The following GNAQ variants were observed in gnomAD, a reference collection of about 807,000 sequenced individuals.
The protein encoded by GNAQ is guanine nucleotide-binding protein G(q) subunit alpha.
Under a neutral mutation model 43.9 loss-of-function variants are expected in GNAQ, and 8 were observed. That is an observed-to-expected ratio of 0.18 (90% CI 0.11 to 0.33). GNAQ has a LOEUF of 0.33. Among genes scored for constraint, GNAQ ranks in the 10% least tolerant of loss-of-function variants. The probability of loss-of-function intolerance (pLI) is 1.00; values close to 1 mark genes in which losing one functional copy is unlikely to be tolerated. For missense variants in GNAQ, 158 were observed against 450.8 expected, an observed-to-expected ratio of 0.35 and a Z score of 5.88; for synonymous variants, 155 against 170.7, an observed-to-expected ratio of 0.91 and a Z score of 0.71.
intron 1 of GNAQ, among the ~76,000 whole-genome samples, chr9:77,989,685 G>C (rs966523068): frequency 3.3e-5 from 5 of 152,206 alleles, no homozygotes; most frequent in Non-Finnish European, 5.9e-5. Flanking sequence ...CTGACATCTG[G>C]AGCCTTCCCT....
At chr9:77,917,991 A>G (rs1009129452) in intron 2 of GNAQ, among the ~76,000 whole-genome samples, 1 of 152,194 alleles carries the variant, frequency 6.6e-6, no homozygotes, top group Non-Finnish European at 1.5e-5. Flanking sequence ...TTTGGTCCAG[A>G]GACTGTGAAC....
chr9:77,954,472 C>T (rs1336310737), intron 1 of GNAQ, among the ~76,000 whole-genome samples: 1 of 152,180 alleles, frequency 6.6e-6, no homozygotes, highest in Admixed American at 6.5e-5. Context: ...CATCTTGATG[C>T]TTGATAAAAC....
At chr9:77,868,689 G>T (rs1827987317) in intron 2 of GNAQ, among the ~76,000 whole-genome samples, 1 of 152,200 alleles carries the variant, frequency 6.6e-6, no homozygotes. Context: ...CAGCTACTCA[G>T]GAGGCTGAGG....
intron 2 of GNAQ, among the ~76,000 whole-genome samples, chr9:77,834,092 A>G (rs1827344556): frequency 6.6e-6 from 1 of 152,232 alleles, no homozygotes; most frequent in Admixed American, 6.5e-5. Flanking sequence ...TCTCAGTATT[A>G]AAATAGGAAA....
intron 2 of GNAQ, among the ~76,000 whole-genome samples, chr9:77,864,792 A>G (rs545893602): frequency 3.5e-4 from 53 of 152,332 alleles, no homozygotes; most frequent in Admixed American, 1.0e-3. Flanking sequence ...GGAAATGAAC[A>G]CACTCTTTTC....
chr9:78,010,086 A>T (rs756282913), intron 1 of GNAQ, among the ~76,000 whole-genome samples: 33 of 152,244 alleles, frequency 2.2e-4, no homozygotes, highest in Admixed American at 7.2e-4. Flanking sequence ...AGACAGAATT[A>T]TCTACTCTGA....
chr9:77,995,628 G>A (rs1365748453), intron 1 of GNAQ, among the ~76,000 whole-genome samples: 3 of 151,896 alleles, frequency 2.0e-5, no homozygotes, highest in Non-Finnish European at 4.4e-5. Context: ...GTAGCTGGGA[G>A]CTAACTACTC....
intron 2 of GNAQ, among the ~76,000 whole-genome samples, chr9:77,918,591 C>T (rs1160117080): frequency 6.6e-6 from 1 of 152,146 alleles, no homozygotes; most frequent in Non-Finnish European, 1.5e-5. Context: ...TGAAATCTTT[C>T]ATGAAACATC....
At chr9:77,835,486 A>C (rs1827368727) in intron 2 of GNAQ, among the ~76,000 whole-genome samples, 1 of 152,218 alleles carries the variant, frequency 6.6e-6, no homozygotes, top group Admixed American at 6.5e-5. Context: ...TATAACTTTC[A>C]TAGGGCTATC....
chr9:77,934,272 C>T (rs1829200167), intron 1 of GNAQ, among the ~76,000 whole-genome samples: 1 of 152,018 alleles, frequency 6.6e-6, no homozygotes. Context: ...ATTTTATGAT[C>T]ATTTTCCCTC....
intron 6 of GNAQ, among the ~76,000 whole-genome samples, chr9:77,722,818 A>G (rs1308396512): frequency 6.6e-6 from 1 of 152,048 alleles, no homozygotes; most frequent in Non-Finnish European, 1.5e-5. Flanking sequence ...AAGCCTGGCT[A>G]ATTTTTAAAC....
In GNAQ at chr9:77,784,903, C is replaced by T. The variant is rs181368300; in HGVS notation, c.735+9560G>A. The stretch of plus-strand genomic sequence containing the variant: ...CACACCACAATGATATGCTACTATA[C>T]ACCCACCTGAATGTCTGAAATTTAA... On this transcript the variant is annotated intron_variant, in intron 5 of 6. Coordinates refer to ENST00000286548, the MANE Select transcript of GNAQ (RefSeq NM_002072.5). 5.5e-3 allele frequency among the ~76,000 whole-genome samples: 838 copies of T among 152,316 alleles called. 6 individuals are homozygous for T. The highest frequency in any genetic ancestry group is 8.8e-3 in the Non-Finnish European group (597 of 68,034).
chr9:77,973,695 T>G (rs943889760), intron 1 of GNAQ, among the ~76,000 whole-genome samples: 17 of 152,118 alleles, frequency 1.1e-4, no homozygotes, highest in African/African-American at 3.9e-4. Context: ...CGTGTGCCTA[T>G]GATCTTTAGC....
chr9:77,924,097 TTAGTAA>T (rs1329139957), intron 1 of GNAQ, among the ~76,000 whole-genome samples: 1 of 152,202 alleles, frequency 6.6e-6, no homozygotes, highest in Non-Finnish European at 1.5e-5. Context: ...CCTATTACTT[TTAGTAA>T]AGTGATCTGG....
chr9:77,782,496 C>T (rs1482666539), intron 5 of GNAQ, among the ~76,000 whole-genome samples: 2 of 152,174 alleles, frequency 1.3e-5, no homozygotes, highest in Non-Finnish European at 2.9e-5. Flanking sequence ...CTGACCACAT[C>T]AGATGCTGGT....
At chr9:77,860,465 G>A (rs535598401) in intron 2 of GNAQ, among the ~76,000 whole-genome samples, 2 of 152,310 alleles carry the variant, frequency 1.3e-5, no homozygotes, top group East Asian at 1.9e-4. Flanking sequence ...GATTGAGTAG[G>A]TGAGGCGGCG....
chr9:78,021,429 T>C (rs1823907890), intron 1 of GNAQ, among the ~76,000 whole-genome samples: 1 of 152,248 alleles, frequency 6.6e-6, no homozygotes, highest in African/African-American at 2.4e-5. Context: ...ATAAAAATCT[T>C]TTACTTCTTT....
chr9:77,792,220 C>T (rs1826586376), intron 5 of GNAQ, among the ~76,000 whole-genome samples: 2 of 152,266 alleles, frequency 1.3e-5, no homozygotes, highest in South Asian at 2.1e-4. Context: ...AGTTGACTTT[C>T]ATCTTATAGA....
chr9:77,880,882 C>G (rs751197622), intron 2 of GNAQ, among the ~76,000 whole-genome samples: 38 of 152,118 alleles, frequency 2.5e-4, no homozygotes, highest in Non-Finnish European at 5.1e-4. Flanking sequence ...AGGCTGAAGA[C>G]AGTGCTTTAG....
Sources: allele counts gnomAD v4.1 joint callset (sites outside exome capture counted in the v4.1 genomes callset), GRCh38; gene constraint gnomAD v4.1.1; transcripts MANE v1.5; gene names NCBI Gene and HGNC (gene_info 2026-07-23, HGNC 2026-07-21).